The following ADAP1 variants were observed in gnomAD, a reference collection of about 807,000 sequenced individuals.
ADAP1 encodes the protein ArfGAP with dual PH domains 1, also known as arf-GAP with dual PH domain-containing protein 1.
Under a neutral mutation model 54.9 loss-of-function variants are expected in ADAP1, and 31 were observed. The observed-to-expected ratio is 0.56, with a 90% CI of 0.42 to 0.76. The LOEUF (loss-of-function observed/expected upper bound fraction) is 0.76, where lower values mean the gene tolerates loss of function less well. ADAP1 is among the 30% of genes least tolerant of loss of function. ADAP1 has a pLI of 0.00. For synonymous variants in ADAP1, 313 were observed against 202.6 expected, an observed-to-expected ratio of 1.55 and a Z score of -4.63; for missense variants, 535 against 512.4, an observed-to-expected ratio of 1.04 and a Z score of -0.42.
chr7:906,503 G>GGAGAAAGGAGAAAGGGAAAGGAGAAA (rs1845356345), intron 4 of ADAP1, among the ~76,000 whole-genome samples: 1 of 1,110 alleles, frequency 9.0e-4, no homozygotes, highest in Non-Finnish European at 1.4e-3. Flanking sequence ...AAAGGAGAAA[G>GGAGAAAGGAGAAAGGGAAAGGAGAAA]GGAGAAAGGA....
chr7:910,470 C>G (rs766158790), intron 4 of ADAP1, among the ~76,000 whole-genome samples: 2 of 152,092 alleles, frequency 1.3e-5, no homozygotes, highest in Non-Finnish European at 2.9e-5. Context: ...AGGCTGGTCT[C>G]GAACTTCTGA....
chr7:899,601 C>T (rs952184265), intron 8 of ADAP1, 111 bp from the exon 9 acceptor site: 2 of 1,232,974 alleles, frequency 1.6e-6, no homozygotes, highest in Non-Finnish European at 1.1e-6. Flanking sequence ...GGTCAGTCAC[C>T]TCCATTCACT....
intron 1 of ADAP1, among the ~76,000 whole-genome samples, chr7:939,410 G>A (rs1323073416): frequency 6.6e-6 from 1 of 151,558 alleles, no homozygotes; most frequent in Non-Finnish European, 1.5e-5. Context: ...GTAGAGATGT[G>A]GTTTCACCAT....
intron 1 of ADAP1, among the ~76,000 whole-genome samples, chr7:939,780 G>A (rs1320543801): frequency 3.3e-5 from 5 of 151,270 alleles, no homozygotes; most frequent in East Asian, 3.9e-4. Context: ...GCAGTGAGCC[G>A]AGATCGTGCC....
rs189405035 is a variant in ADAP1, at chr7:903,883, C to A, written c.648+243G>T. On this transcript the variant is annotated intron_variant, in intron 6 of 10. Transcript: ENST00000265846. The stretch of plus-strand genomic sequence containing the variant: ...CGTGGTGATCCGGCTCCTGGGCAGC[C>A]CGGCCCTGGGAAGCTGCCTTCCTGC... The A allele has an allele frequency of 1.8e-4, 87 of 478,766 alleles. 1 individual carries two copies. The highest frequency in any genetic ancestry group is 1.2e-3 in the African/African-American group (60 of 48,794). 29.7% of individuals were successfully genotyped at this position (478,766 alleles called of 1,614,324 possible).
chr7:922,866 G>GC (rs1176531332), intron 3 of ADAP1: 1 of 8,552 alleles, frequency 1.2e-4, no homozygotes, highest in Non-Finnish European at 2.8e-4. Context: ...CGCCACCCCC[G>GC]CCCCCATTGT....
rs1048999458 is a variant in ADAP1 at position 906,696 on chromosome 7, T to C, written c.389-1524A>G. Among the ~76,000 whole-genome samples, 10 of 25,040 alleles carry C rather than the reference T, an allele frequency of 4.0e-4. 1 individual carries two copies. The East Asian group carries it at 1.0e-2, about 25-fold the overall frequency. The allele number at this position is 25,040 out of a possible 152,430, so 16.4% of individuals were successfully genotyped here. A position where few individuals can be genotyped will look rare whatever the true frequency, so the allele number is the denominator to read the frequency against. On this transcript the variant is annotated intron_variant, in intron 4 of 10. Transcript: ENST00000265846. Reference sequence around the variant, plus strand: ...ACATGGACAGGGGACACGGGGGACATGGACATGGGGGACGGGACATCGGGG... The same window carrying C: ...ACATGGACAGGGGACACGGGGGACACGGACATGGGGGACGGGACATCGGGG...
chr7:910,681 T>G (rs1201861122), intron 4 of ADAP1, among the ~76,000 whole-genome samples: 1 of 152,226 alleles, frequency 6.6e-6, no homozygotes, highest in South Asian at 2.1e-4. Context: ...GGGAAGCACG[T>G]GGCCCTGCTC....
chr7:932,429 A>G (rs1344433023), intron 2 of ADAP1, among the ~76,000 whole-genome samples: 1 of 152,126 alleles, frequency 6.6e-6, no homozygotes, highest in Non-Finnish European at 1.5e-5. Flanking sequence ...TATGGGGACA[A>G]TAGCCACGTC....
Position 920,898 on chromosome 7 carries a change from GAACA to G in ADAP1, c.306-852_306-849del. On this transcript the variant is annotated intron_variant, in intron 3 of 10. Transcript: ENST00000265846. The surrounding 1 kb of genome is among the most constrained non-coding windows in gnomAD (Gnocchi z 4.5). ...CACTCCCAGGGAATTACGCGGCAAAGAACAAATAGGAACCCTGTGGCTTCCTGCT... is the reference window on the plus strand; with the variant it reads ...CACTCCCAGGGAATTACGCGGCAAAGAATAGGAACCCTGTGGCTTCCTGCT... 6.5e-7 allele frequency: 1 copy of G among 1,545,928 alleles called. No homozygotes were observed. The highest frequency in any genetic ancestry group is 8.7e-7 in the Non-Finnish European group (1 of 1,143,636).
intron 4 of ADAP1, among the ~76,000 whole-genome samples, chr7:905,777 GAGAAAGGAGAAAGGAGAAAGGAGAAAGGA>G (rs1845222097): frequency 5.4e-5 from 2 of 36,956 alleles, no homozygotes; most frequent in Non-Finnish European, 1.3e-4. Flanking sequence ...AAGGAGAAAG[GAGAAAGGAGAAAGGAGAAAGGAGAAAGGA>G]GAAAGGAGAA....
chr7:928,286 G>C (rs1241445318), intron 2 of ADAP1, among the ~76,000 whole-genome samples: 2 of 152,100 alleles, frequency 1.3e-5, no homozygotes, highest in Non-Finnish European at 2.9e-5. Flanking sequence ...AGGATCCCTT[G>C]AGCCCAAGAG....
chr7:902,264 G>A (rs943519624), intron 6 of ADAP1, among the ~76,000 whole-genome samples: 1 of 150,852 alleles, frequency 6.6e-6, no homozygotes, highest in East Asian at 2.0e-4. Context: ...CTCGAGACCA[G>A]CCTGACCAAC....
chr7:950,729 C>T lies in ADAP1; in HGVS notation c.82+3667G>A, dbSNP rs577329152. On this transcript the variant is annotated intron_variant, in intron 1 of 10. Coordinates refer to ENST00000265846, the MANE Select transcript of ADAP1 (RefSeq NM_006869.4). ...AAAATTAGCCGGGCGTGGTGGCAGG[C>T]GCCTGTAATCCCAGCTACTCAGGGG... Among the ~76,000 whole-genome samples, 42 of 151,100 alleles carry T rather than the reference C, an allele frequency of 2.8e-4. No individual in the cohort carries two copies. In the South Asian group the frequency reaches 6.9e-3, roughly 25 times the overall value.
chr7:940,136 A>G (rs902201117), intron 1 of ADAP1, among the ~76,000 whole-genome samples: 5 of 152,094 alleles, frequency 3.3e-5, no homozygotes, highest in African/African-American at 1.2e-4. Flanking sequence ...CAGACACAAC[A>G]TGAACAGCCT....
At position 954,469 on chromosome 7, in the gene ADAP1, C is replaced by A; in HGVS notation, c.9G>T (p.Lys3Asn). 1.9e-6 allele frequency: 2 copies of A among 1,046,690 alleles called. No homozygotes were observed. The highest frequency in any genetic ancestry group is 2.3e-6 in the Non-Finnish European group (2 of 871,232). 64.8% of individuals were successfully genotyped at this position (1,046,690 alleles called of 1,614,324 possible). The change falls in exon 1 of 11, where the codon AAG becomes AAT. Residue 3 changes from lysine (K) to asparagine (N), a missense_variant. Lys to Asn is a moderately conservative substitution (Grantham distance 94, BLOSUM62 0). Transcript: ENST00000265846. MAKERRRAVLELL... is the reference protein window; with the variant it reads MANERRRAVLELL... ...GCTCCAGGACCGCCCTGCGCCGCTC[C>A]TTGGCCATGGCCGCGATGCGCCCGC...
chr7:914,797 CACAG>C (rs541139889), intron 4 of ADAP1, among the ~76,000 whole-genome samples: 131 of 152,264 alleles, frequency 8.6e-4, no homozygotes, highest in African/African-American at 3.0e-3. Context: ...CAGCCTGGAG[CACAG>C]ACAGTCACCG....
chr7:937,205 A>G (rs74218401), intron 1 of ADAP1, among the ~76,000 whole-genome samples: 2,124 of 11,148 alleles, frequency 0.19, 180 homozygotes, highest in South Asian at 0.34. Context: ...GTCACGCCCG[A>G]CCTCTGGGAT....
intron 4 of ADAP1, among the ~76,000 whole-genome samples, chr7:916,947 G>A (rs901992266): frequency 2.0e-5 from 3 of 150,212 alleles, no homozygotes; most frequent in East Asian, 2.0e-4. Flanking sequence ...CGGGAGGGGG[G>A]CGCAGTGCCA....
Sources: gnomAD v4.1 joint callset for allele counts (sites outside exome capture counted in the v4.1 genomes callset) on GRCh38, gnomAD v4.1.1 for gene constraint, Gnocchi (gnomAD v3.1) non-coding constraint, MANE v1.5 for transcripts, NCBI Gene and HGNC (gene_info 2026-07-23, HGNC 2026-07-21) for gene names.